GPC6: variants seen among roughly 807,000 people sequenced by gnomAD.
GPC6 encodes glypican 6.
In GPC6, 14 loss-of-function variants were observed where a neutral mutation model predicts 55.2. The observed-to-expected ratio is 0.25, with a 90% CI of 0.17 to 0.40. The LOEUF (loss-of-function observed/expected upper bound fraction) is 0.40, where lower values mean the gene tolerates loss of function less well. Among genes scored for constraint, GPC6 ranks in the 10% least tolerant of loss-of-function variants. The pLI is 1.00. For synonymous variants in GPC6, 278 were observed against 259.6 expected (o/e 1.07, Z -0.68); for missense variants, 641 against 708.5 (o/e 0.90, Z 1.08).
At chr13:94,249,815 A>G (rs548076526) in intron 4 of GPC6, among the ~76,000 whole-genome samples, 3 of 152,248 alleles carry the variant, frequency 2.0e-5, no homozygotes, top group African/African-American at 7.2e-5. Context: ...CAATGATTTG[A>G]ATCTCTTCTC....
intron 3 of GPC6, 113 bp downstream of exon 3, chr13:93,830,658 TTGG>T: frequency 1.1e-6 from 1 of 895,040 alleles, no homozygotes; most frequent in Non-Finnish European, 1.7e-6. Flanking sequence ...AAATTCTTAA[TTGG>T]TGGTCCTTGC....
rs72647634 is a variant in GPC6, at chr13:94,356,907, A to C, written c.1153-25507A>C. Among the ~76,000 whole-genome samples the C allele has an allele frequency of 9.2e-4, 140 of 152,298 alleles. No individual in the cohort carries two copies. The Middle Eastern group carries it at 0.017, about 19-fold the overall frequency. ...ACAGAGTGAGACCCTGTCTCAAAAA[A>C]AGAAAAGGTAAAAATGAAATAATGC... On this transcript the variant is annotated intron_variant, in intron 6 of 8. Coordinates refer to ENST00000377047, the MANE Select transcript of GPC6 (RefSeq NM_005708.5).
At chr13:93,510,997 A>ATG (rs1279972391) in intron 1 of GPC6, among the ~76,000 whole-genome samples, 259 of 43,980 alleles carry the variant, frequency 5.9e-3, no homozygotes, top group South Asian at 0.012. Context: ...GTATATATAT[A>ATG]TATATATATT....
chr13:94,230,198 C>T (rs1890679174), intron 4 of GPC6, among the ~76,000 whole-genome samples: 1 of 152,094 alleles, frequency 6.6e-6, no homozygotes, highest in Admixed American at 6.6e-5. Flanking sequence ...ACACTCAGTA[C>T]CTTCCCTTCC....
intron 1 of GPC6, among the ~76,000 whole-genome samples, chr13:93,292,293 A>G (rs935049413): frequency 6.6e-6 from 1 of 152,172 alleles, no homozygotes; most frequent in African/African-American, 2.4e-5. Context: ...CCTCATGTGA[A>G]TACTTTTAGG....
At chr13:93,961,183 C>T (rs17253337) in intron 3 of GPC6, among the ~76,000 whole-genome samples, 16,710 of 152,214 alleles carry the variant, frequency 0.11, 1,148 homozygotes, top group Admixed American at 0.18. Context: ...CACTAGATGC[C>T]ATTTAAAACA....
chr13:94,027,700 T>G, intron 3 of GPC6, 29 bp from the exon 4 acceptor site: 1 of 1,608,590 alleles, frequency 6.2e-7, no homozygotes, highest in South Asian at 1.1e-5. Context: ...TTATTTTTGA[T>G]TTTCTTTTTC....
intron 3 of GPC6, among the ~76,000 whole-genome samples, chr13:93,895,437 A>G (rs1875955273): frequency 6.6e-6 from 1 of 151,444 alleles, no homozygotes; most frequent in Non-Finnish European, 1.5e-5. Flanking sequence ...CTGGCTATCA[A>G]TGTGGTTAGA....
intron 2 of GPC6, among the ~76,000 whole-genome samples, chr13:93,586,675 C>T (rs1388882929): frequency 6.6e-6 from 1 of 152,144 alleles, no homozygotes; most frequent in African/African-American, 2.4e-5. Context: ...GGGAGACAAC[C>T]TATACAATAC....
At chr13:93,217,354 G>T in the GPC6 span, among the ~76,000 whole-genome samples, 1 of 152,132 alleles carries the variant, frequency 6.6e-6, no homozygotes, top group Non-Finnish European at 1.5e-5. Context: ...GTTATTTTTT[G>T]AAATATTTCT....
At chr13:93,427,381 T>C (rs978187234) in intron 1 of GPC6, among the ~76,000 whole-genome samples, 3 of 151,790 alleles carry the variant, frequency 2.0e-5, no homozygotes, top group Admixed American at 1.3e-4. Context: ...CAAAACAGCA[T>C]GGTACTGGTA....
intron 3 of GPC6, among the ~76,000 whole-genome samples, chr13:93,979,333 T>TTGTG (rs900936395): frequency 1.7e-4 from 24 of 142,838 alleles, no homozygotes; most frequent in African/African-American, 4.6e-4. Flanking sequence ...GTGTGTTTTT[T>TTGTG]TGTGTGTGTG....
intron 2 of GPC6, among the ~76,000 whole-genome samples, chr13:93,800,560 T>C (rs924107120): frequency 6.6e-6 from 1 of 152,210 alleles, no homozygotes; most frequent in African/African-American, 2.4e-5. Flanking sequence ...CTCTATGTTG[T>C]ATGAAGTCAG....
chr13:93,878,362 A>G (rs920110002), intron 3 of GPC6, among the ~76,000 whole-genome samples: 2 of 151,996 alleles, frequency 1.3e-5, no homozygotes, highest in Non-Finnish European at 2.9e-5. Flanking sequence ...GTGAGGACAC[A>G]GTGTTCATTC....
intron 2 of GPC6, among the ~76,000 whole-genome samples, chr13:93,652,708 C>T (rs1024827173): frequency 6.6e-6 from 1 of 152,204 alleles, no homozygotes; most frequent in Admixed American, 6.5e-5. Flanking sequence ...CAAGCACTAA[C>T]ATGGTCTTTT....
chr13:93,642,618 C>A (rs1336920759), intron 2 of GPC6, among the ~76,000 whole-genome samples: 2 of 151,960 alleles, frequency 1.3e-5, no homozygotes, highest in Non-Finnish European at 2.9e-5. Flanking sequence ...TTAGAGCTTG[C>A]TAAGAAAACT....
intron 3 of GPC6, among the ~76,000 whole-genome samples, chr13:93,982,849 T>C (rs932421833): frequency 1.3e-5 from 2 of 152,180 alleles, no homozygotes; most frequent in Admixed American, 6.5e-5. Context: ...ACTGCAGCTC[T>C]ACTTCCCATA....
At chr13:93,530,560 C>G (rs1197638257) in intron 1 of GPC6, among the ~76,000 whole-genome samples, 1 of 152,080 alleles carries the variant, frequency 6.6e-6, no homozygotes. Flanking sequence ...ATATATAGTA[C>G]TCTTAGCTCC....
At chr13:93,662,307 G>A (rs1325770966) in intron 2 of GPC6, among the ~76,000 whole-genome samples, 1 of 152,106 alleles carries the variant, frequency 6.6e-6, no homozygotes, top group Non-Finnish European at 1.5e-5. Context: ...TAGGGAGCGG[G>A]GAGGAAAAAG....
Sources: gnomAD v4.1 joint callset for allele counts (sites outside exome capture counted in the v4.1 genomes callset) on GRCh38, gnomAD v4.1.1 for gene constraint, MANE v1.5 for transcripts, NCBI Gene and HGNC (gene_info 2026-07-23, HGNC 2026-07-21) for gene names.